Variants in SEL1L3 observed in about 807,000 individuals in gnomAD.
SEL1L3 encodes SEL1L family member 3.
Under a neutral mutation model 142.8 loss-of-function variants are expected in SEL1L3, and 76 were observed. The ratio of observed to expected loss-of-function variants is 0.53; its 90% CI spans 0.44 to 0.64. The LOEUF is 0.64. Among genes scored for constraint, SEL1L3 ranks in the 30% least tolerant of loss-of-function variants. The pLI is 0.00. For synonymous variants in SEL1L3, 504 were observed against 519.6 expected, an observed-to-expected ratio of 0.97 and a Z score of 0.41; for missense variants, 1,262 against 1,381.7, an observed-to-expected ratio of 0.91 and a Z score of 1.37.
chr4:25,802,257 T>C, intron 11 of SEL1L3, 26 bp downstream of exon 11: 1 of 1,597,374 alleles, frequency 6.3e-7, no homozygotes, highest in Non-Finnish European at 8.5e-7. Flanking sequence ...GCCATAACCA[T>C]TCCCAACCTT....
At chr4:25,774,655 T>A (rs1719479305) in intron 17 of SEL1L3, among the ~76,000 whole-genome samples, 1 of 151,238 alleles carries the variant, frequency 6.6e-6, no homozygotes, top group South Asian at 2.1e-4. Flanking sequence ...AGGTCAGGAG[T>A]TCAAGACCAG....
intron 11 of SEL1L3, among the ~76,000 whole-genome samples, chr4:25,798,270 A>C (rs1390321781): frequency 1.3e-5 from 2 of 152,164 alleles, no homozygotes; most frequent in African/African-American, 4.8e-5. Flanking sequence ...CAACATCTCT[A>C]GAATGGGCAG....
At chr4:25,810,994 C>T (rs115266197) in intron 9 of SEL1L3, among the ~76,000 whole-genome samples, 201 of 152,288 alleles carry the variant, frequency 1.3e-3, no homozygotes, top group African/African-American at 4.7e-3. Flanking sequence ...CAGGTTAGCG[C>T]ATCAGCTGTC....
chr4:25,786,804 A>T (rs1560299442), intron 13 of SEL1L3, among the ~76,000 whole-genome samples: 1 of 152,212 alleles, frequency 6.6e-6, no homozygotes, highest in East Asian at 1.9e-4. Flanking sequence ...TGTTTATTTG[A>T]CAACTGGAAA....
intron 1 of SEL1L3, among the ~76,000 whole-genome samples, chr4:25,861,213 G>T (rs1717684849): frequency 6.6e-6 from 1 of 152,148 alleles, no homozygotes; most frequent in African/African-American, 2.4e-5. Flanking sequence ...TGTTATGGCA[G>T]TTTTATTTAT....
At chr4:25,735,650 A>G in the SEL1L3 span, among the ~76,000 whole-genome samples, 1 of 151,706 alleles carries the variant, frequency 6.6e-6, no homozygotes, top group Admixed American at 6.6e-5. Context: ...TAAACATTTA[A>G]CGTTATAAAA....
intron 1 of SEL1L3, among the ~76,000 whole-genome samples, chr4:25,849,935 TG>T (rs1312138332): frequency 1.3e-5 from 2 of 152,114 alleles, no homozygotes; most frequent in Admixed American, 1.3e-4. Context: ...TAATTCTAAC[TG>T]GAAGGTCTGG....
rs186623735 is a variant in SEL1L3 at position 25,843,714 on chromosome 4, G to A, written c.733+3580C>T. On this transcript the variant is annotated intron_variant, in intron 2 of 23. Coordinates refer to ENST00000399878, the MANE Select transcript of SEL1L3 (RefSeq NM_015187.5). ...TGCACCGGGGGCATGTGGCCGAGTCGTGGCACACACGTGTTCCCAATGGCT... is the reference window on the plus strand; with the variant it reads ...TGCACCGGGGGCATGTGGCCGAGTCATGGCACACACGTGTTCCCAATGGCT... Among the ~76,000 whole-genome samples, 59 of 152,352 alleles carry A rather than the reference G, an allele frequency of 3.9e-4. 1 individual carries two copies. The highest frequency in any genetic ancestry group is 1.3e-3 in the African/African-American group (56 of 41,596).
At chr4:25,821,905 G>T in intron 7 of SEL1L3, 91 bp downstream of exon 7, 1 of 1,354,214 alleles carries the variant, frequency 7.4e-7, no homozygotes, top group Non-Finnish European at 1.0e-6. Flanking sequence ...GTCTGGCTTG[G>T]GTAAACTTTT....
the SEL1L3 span, among the ~76,000 whole-genome samples, chr4:25,723,046 T>C: frequency 1.3e-5 from 2 of 152,188 alleles, 1 homozygote; most frequent in East Asian, 3.9e-4. Flanking sequence ...AGAACAGTCC[T>C]TAATGTGGGC....
chr4:25,784,378 T>A, intron 13 of SEL1L3, 88 bp from the exon 14 acceptor site: 2 of 1,039,654 alleles, frequency 1.9e-6, no homozygotes, highest in Non-Finnish European at 3.0e-6. Flanking sequence ...ATAAAATACT[T>A]AAAAATAAAA....
intron 19 of SEL1L3, among the ~76,000 whole-genome samples, chr4:25,766,597 G>A (rs958884839): frequency 3.3e-5 from 5 of 152,164 alleles, no homozygotes; most frequent in Non-Finnish European, 7.3e-5. Context: ...AGGCAGCCCA[G>A]AGATCAGCAG....
chr4:25,842,476 AAAGGGG>A (rs1246782657), intron 2 of SEL1L3, among the ~76,000 whole-genome samples: 2 of 152,232 alleles, frequency 1.3e-5, no homozygotes, highest in Non-Finnish European at 2.9e-5. Flanking sequence ...CTTAAACCAC[AAAGGGG>A]AAGCTGAGCT....
chr4:25,837,496 G>C (rs1013432671), intron 2 of SEL1L3, among the ~76,000 whole-genome samples: 3 of 151,522 alleles, frequency 2.0e-5, no homozygotes, highest in African/African-American at 7.3e-5. Flanking sequence ...GGTCAAACGG[G>C]AGAACTTGCC....
At chr4:25,851,717 C>T (rs13140250) in intron 1 of SEL1L3, among the ~76,000 whole-genome samples, 15,822 of 151,700 alleles carry the variant, frequency 0.1, 979 homozygotes, top group South Asian at 0.14. Flanking sequence ...GGTGAAACCC[C>T]GTCTCTTCTA....
At chr4:25,816,775 C>G (rs569075335) in intron 9 of SEL1L3, among the ~76,000 whole-genome samples, 1 of 152,182 alleles carries the variant, frequency 6.6e-6, no homozygotes, top group Non-Finnish European at 1.5e-5. Flanking sequence ...CCTGCCTCCC[C>G]ATTGTCACAG....
intron 11 of SEL1L3, among the ~76,000 whole-genome samples, chr4:25,796,729 C>T (rs558062635): frequency 3.9e-4 from 59 of 150,846 alleles, no homozygotes; most frequent in African/African-American, 6.6e-4. Flanking sequence ...TGCAGTGAGC[C>T]GAGATCACAC....
Position 25,819,896 on chromosome 4 carries a change from C to T in SEL1L3, c.1335G>A (p.Lys445=), listed in dbSNP as rs748710188. The T allele has an allele frequency of 1.9e-6, 3 of 1,612,678 alleles. No homozygotes were observed. The highest frequency in any genetic ancestry group is 1.1e-5 in the South Asian group (1 of 90,738). ...LLEKQLAEQI[K]LYYERCAEVQ... ...CCTCAGCACACCTTTCATAATATAA[C>T]TTGATTTGTTCAGCAAGTTGCTTCT... Residue 445 remains lysine, a synonymous_variant, in exon 8 of 24, where the codon AAG becomes AAA. Transcript: ENST00000399878.
At chr4:25,812,140 G>A (rs927093981) in intron 9 of SEL1L3, among the ~76,000 whole-genome samples, 1 of 152,200 alleles carries the variant, frequency 6.6e-6, no homozygotes, top group African/African-American at 2.4e-5. Context: ...TATGCCATAT[G>A]TTAGTGAAGT....
Sources: allele counts gnomAD v4.1 joint callset (sites outside exome capture counted in the v4.1 genomes callset), GRCh38; gene constraint gnomAD v4.1.1; transcripts MANE v1.5; gene names NCBI Gene and HGNC (gene_info 2026-07-23, HGNC 2026-07-21).